The following LAMC3 variants were observed in gnomAD, a reference collection of about 807,000 sequenced individuals.
LAMC3 encodes the protein laminin subunit gamma 3.
LAMC3 carries 128 observed loss-of-function variants against 173.8 expected under a neutral mutation model. The ratio of observed to expected loss-of-function variants is 0.74; its 90% confidence interval spans 0.64 to 0.85. The LOEUF (loss-of-function observed/expected upper bound fraction) is 0.85. Among genes scored for constraint, LAMC3 ranks in the 40% least tolerant of loss-of-function variants. The pLI is 0.00. For synonymous variants in LAMC3, 897 were observed against 909.1 expected (o/e 0.99, Z 0.24); for missense variants, 2,022 against 2,156.0 (o/e 0.94, Z 1.23).
chr9:131,073,597 G>A (rs1830074773), intron 20 of LAMC3, among the ~76,000 whole-genome samples: 1 of 152,134 alleles, frequency 6.6e-6, no homozygotes, highest in African/African-American at 2.4e-5. Flanking sequence ...TATATTGGGG[G>A]TATAGTTCAC....
At chr9:131,045,807 G>GCC in intron 8 of LAMC3, 147 bp downstream of exon 8, 1 of 997,224 alleles carries the variant, frequency 1.0e-6, no homozygotes, top group Non-Finnish European at 1.5e-6. Flanking sequence ...TCGGGGGTGA[G>GCC]ATGATGGCTC....
In LAMC3 at chr9:131,026,602, C is replaced by G. The variant is rs562381839; in HGVS notation, c.678+13C>G. On this transcript the variant is annotated intron_variant, in intron 2 of 27. Coordinates refer to ENST00000361069, the MANE Select transcript of LAMC3 (RefSeq NM_006059.4). The surrounding 1 kb of genome is among the most constrained non-coding windows in gnomAD (Gnocchi z 4.8). ...CCCTGGGCTGCAGGTCAGGGAGGAGCGGGGCTTCGGAGGTTGGGACGGGGT... is the reference window on the plus strand; with the variant it reads ...CCCTGGGCTGCAGGTCAGGGAGGAGGGGGGCTTCGGAGGTTGGGACGGGGT... The G allele has an allele frequency of 6.4e-7, 1 of 1,562,524 alleles. No individual in the cohort carries two copies.
chr9:131,041,737 T>C lies in LAMC3; in HGVS notation c.1382+2T>C. Reference sequence around the variant, plus strand: ...TGTGGAAGGCAACCTATGTGACAGGTTTGTGAGCTAATCCAGCAGTAAGCT... The same window carrying C: ...TGTGGAAGGCAACCTATGTGACAGGCTTGTGAGCTAATCCAGCAGTAAGCT... On this transcript the variant is annotated splice_donor_variant, in intron 7 of 27. Coordinates refer to ENST00000361069, the MANE Select transcript of LAMC3 (RefSeq NM_006059.4). LOFTEE classifies it high-confidence loss of function. The C allele has an allele frequency of 3.1e-6, 5 of 1,612,624 alleles. No individual in the cohort carries two copies. The highest frequency in any genetic ancestry group is 4.2e-6 in the Non-Finnish European group (5 of 1,179,648).
In LAMC3 at chr9:131,091,964, C is replaced by G. The variant is rs1830436277; in HGVS notation, c.*177C>G. The G allele has an allele frequency of 1.3e-6, 1 of 759,446 alleles. No individual in the cohort carries two copies. The highest frequency in any genetic ancestry group is 2.1e-6 in the Non-Finnish European group (1 of 467,680). The allele number at this position is 759,446 out of a possible 1,614,324, so 47.0% of individuals were successfully genotyped here. A position where few individuals can be genotyped will look rare whatever the true frequency, so the allele number is the denominator to read the frequency against. On this transcript the variant is annotated 3_prime_UTR_variant, in exon 28 of 28. Transcript: ENST00000361069. ...CTGTCTGTGGCTTCTTCCCTGCCAG[C>G]AGGACTGAGTGTGCGTACCCAGTTC... is the stretch of plus-strand genomic sequence containing the variant.
chr9:131,067,205 C>A lies in LAMC3; in HGVS notation c.2593C>A (p.Pro865Thr). ...CCCTCGACCCGCAGACAAATGCATG[C>A]GTGAGTACCTACCTCCAGACCCCAG... is the stretch of plus-strand genomic sequence containing the variant. ...LAPRPADKCM[P>T]CSCHPQGSVS... Residue 865 changes from proline (P) to threonine (T), a missense_variant and splice_region_variant, in exon 14 of 28, where the codon CCT becomes ACT. By Grantham distance (38) the Pro-to-Thr change is conservative. Transcript: ENST00000361069. 6.2e-7 allele frequency: 1 copy of A among 1,613,032 alleles called. No homozygotes were observed.
chr9:131,073,100 T>G (rs1226819969), intron 19 of LAMC3, 145 bp from the exon 20 acceptor site: 3 of 743,430 alleles, frequency 4.0e-6, no homozygotes, highest in Non-Finnish European at 4.8e-6. Context: ...AGGACTCCGC[T>G]CACTGAATGC....
Position 131,026,194 on chromosome 9 carries a change from G to A in LAMC3, c.374-91G>A. 2.5e-6 allele frequency: 4 copies of A among 1,577,342 alleles called. No individual in the cohort carries two copies. Among genetic ancestry groups the A allele is most frequent in the South Asian group, 1.2e-5 (1 of 86,176 alleles). ...AGCTTCCAGCGATCCATCCACGCTAGTGCCTGCAATGCAGCCGTCTGTCCT... is the reference window on the plus strand; with the variant it reads ...AGCTTCCAGCGATCCATCCACGCTAATGCCTGCAATGCAGCCGTCTGTCCT... On this transcript the variant is annotated intron_variant, in intron 1 of 27. Transcript: ENST00000361069. The surrounding 1 kb of genome is among the most constrained non-coding windows in gnomAD (Gnocchi z 4.8).
In LAMC3 at chr9:131,029,899, T is replaced by G. The variant is rs1434356126; in HGVS notation, c.679-2146T>G. The stretch of plus-strand genomic sequence containing the variant: ...TCCAGCACCCACTCATAGCTTAAGC[T>G]GGAGTTCCAGTGCCTGGGTTCAGTG... On this transcript the variant is annotated intron_variant, in intron 2 of 27. Transcript: ENST00000361069. This position sits in a 1 kb window ranked among gnomAD's most constrained non-coding sequence, Gnocchi z 4.6. Among the ~76,000 whole-genome samples the G allele has an allele frequency of 6.6e-6, 1 of 151,724 alleles. No homozygotes were observed. Among genetic ancestry groups the G allele is most frequent in the African/African-American group, 2.4e-5 (1 of 41,242 alleles).
chr9:131,021,246 T>C (rs1409795339), intron 1 of LAMC3: 1 of 152,224 alleles, frequency 6.6e-6, no homozygotes, highest in Non-Finnish European at 1.5e-5. Flanking sequence ...ACGCTGTTTT[T>C]GCATCTGTAG....
intron 14 of LAMC3, 44 bp from the exon 15 acceptor site, chr9:131,068,032 GAC>G: frequency 6.2e-7 from 1 of 1,600,270 alleles, no homozygotes; most frequent in Non-Finnish European, 8.5e-7. Context: ...AGTTGGAACA[GAC>G]AATCTGCATT....
intron 13 of LAMC3, among the ~76,000 whole-genome samples, chr9:131,065,039 T>TAAAAAAAA (rs754104539): frequency 7.3e-5 from 2 of 27,420 alleles, no homozygotes; most frequent in African/African-American, 1.4e-4. Flanking sequence ...AGACTCCATC[T>TAAAAAAAA]AAAAAAAAAA....
chr9:131,051,419 C>T (rs1271221194), intron 9 of LAMC3, among the ~76,000 whole-genome samples: 1 of 135,266 alleles, frequency 7.4e-6, no homozygotes, highest in Non-Finnish European at 1.5e-5. Flanking sequence ...GGCTGGAGTG[C>T]ATTGGCGTGG....
intron 13 of LAMC3, among the ~76,000 whole-genome samples, chr9:131,061,648 T>A (rs2315074): frequency 0.62 from 94,057 of 151,524 alleles, 30,109 homozygotes; most frequent in Non-Finnish European, 0.69. Flanking sequence ...GTTCCCAGGC[T>A]CCTTGTATTC....
rs371411184 is a variant in LAMC3, at chr9:131,087,533, A to G, written c.4288A>G (p.Thr1430Ala). 2.5e-6 allele frequency: 4 copies of G among 1,613,694 alleles called. No homozygotes were observed. The African/African-American group carries it at 5.3e-5, about 22-fold the overall frequency. ...KQAHRRASRL[T>A]SQTQATLQQA... is the part of the protein sequence containing the mutation. ...GGCGCACCGCCGTGCCAGCAGGCTC[A>G]CCAGCCAGACGCAAGCCACGCTCCA... Residue 1430 changes from threonine (T) to alanine (A), a missense_variant, in exon 26 of 28, where the codon ACC becomes GCC. Transcript: ENST00000361069.
At chr9:131,059,849 C>T (rs1829773850) in intron 12 of LAMC3, among the ~76,000 whole-genome samples, 1 of 152,236 alleles carries the variant, frequency 6.6e-6, no homozygotes, top group Admixed American at 6.5e-5. Context: ...TGGGCCTAGG[C>T]TGGGACAGTT....
At chr9:131,065,367 A>G (rs1310834143) in intron 13 of LAMC3, among the ~76,000 whole-genome samples, 2 of 152,206 alleles carry the variant, frequency 1.3e-5, no homozygotes, top group Non-Finnish European at 2.9e-5. Context: ...CCCAGAAAGC[A>G]GGACAGGAGT....
intron 1 of LAMC3, among the ~76,000 whole-genome samples, chr9:131,014,354 T>C (rs908812312): frequency 4.6e-5 from 7 of 152,202 alleles, no homozygotes; most frequent in Non-Finnish European, 8.8e-5. Context: ...CACAAAACCA[T>C]TGCATGTCTG....
In LAMC3 at chr9:131,075,562, C is replaced by CA. The variant is rs35509603; in HGVS notation, c.3495-252dup. Among the ~76,000 whole-genome samples the CA allele has an allele frequency of 0.29, 29,914 of 102,328 alleles. 3,769 individuals carry two copies. The highest frequency in any genetic ancestry group is 0.36 in the Admixed American group (3,704 of 10,280). 67.1% of individuals were successfully genotyped at this position (102,328 alleles called of 152,430 possible). A position where few individuals can be genotyped will look rare whatever the true frequency, so the allele number is the denominator to read the frequency against. On this transcript the variant is annotated intron_variant, in intron 20 of 27. Transcript: ENST00000361069. Reference sequence around the variant, plus strand: ...TGGGCAATAGAGTGAGACTCTGTCTCAAAAAAAAAAAAAAAAAGTCCTATT... The same window carrying CA: ...TGGGCAATAGAGTGAGACTCTGTCTCAAAAAAAAAAAAAAAAAAGTCCTATT...
intron 1 of LAMC3, among the ~76,000 whole-genome samples, chr9:131,023,278 CTT>C (rs1289443739): frequency 6.6e-6 from 1 of 152,196 alleles, no homozygotes; most frequent in African/African-American, 2.4e-5. Context: ...TTTCATTTCT[CTT>C]GGGTATATGC....
Sources: allele counts gnomAD v4.1 joint callset (sites outside exome capture counted in the v4.1 genomes callset), GRCh38; gene constraint gnomAD v4.1.1; non-coding constraint Gnocchi (gnomAD v3.1); transcripts MANE v1.5; gene names NCBI Gene and HGNC (gene_info 2026-07-23, HGNC 2026-07-21).